The following SCFD2 variants were observed in gnomAD, a reference collection of about 807,000 sequenced individuals.
The protein encoded by SCFD2 is sec1 family domain-containing protein 2.
A neutral mutation model predicts 58.9 loss-of-function variants in SCFD2; 54 were observed. The ratio of observed to expected loss-of-function variants is 0.92; its 90% CI spans 0.74 to 1.15. The LOEUF (loss-of-function observed/expected upper bound fraction) is 1.15. SCFD2 is among the 50% of genes most tolerant of loss of function. SCFD2 has a pLI of 0.00. For synonymous variants in SCFD2, 321 were observed against 335.9 expected, an observed-to-expected ratio of 0.96 and a Z score of 0.49; for missense variants, 805 against 836.6, an observed-to-expected ratio of 0.96 and a Z score of 0.47.
chr4:53,221,693 T>C (rs113482249), intron 4 of SCFD2, among the ~76,000 whole-genome samples: 1 of 152,114 alleles, frequency 6.6e-6, no homozygotes, highest in Non-Finnish European at 1.5e-5. Context: ...GCTACTGTAG[T>C]AGAAAAGAAA....
intron 4 of SCFD2, among the ~76,000 whole-genome samples, chr4:53,239,565 A>G (rs914729005): frequency 6.6e-6 from 1 of 151,984 alleles, no homozygotes; most frequent in South Asian, 2.1e-4. Flanking sequence ...GCTCACCGCA[A>G]CCTCTGCCTC....
intron 5 of SCFD2, among the ~76,000 whole-genome samples, chr4:52,926,001 G>A (rs1719854373): frequency 6.6e-6 from 1 of 152,056 alleles, no homozygotes; most frequent in African/African-American, 2.4e-5. Context: ...TCCATTTACT[G>A]AAGCCCCTTT....
intron 5 of SCFD2, among the ~76,000 whole-genome samples, chr4:53,020,464 A>G (rs1722319397): frequency 1.3e-5 from 2 of 152,172 alleles, no homozygotes; most frequent in Admixed American, 1.3e-4. Context: ...AGGTTAAGAA[A>G]CTGTCAGTCT....
chr4:53,007,134 AGCT>A (rs1721986219), intron 5 of SCFD2, among the ~76,000 whole-genome samples: 1 of 151,982 alleles, frequency 6.6e-6, no homozygotes, highest in African/African-American at 2.4e-5. Context: ...ATTAAAAATC[AGCT>A]GGGCATGGTG....
chr4:52,959,052 G>A (rs301094), intron 5 of SCFD2, among the ~76,000 whole-genome samples: 4,205 of 152,252 alleles, frequency 0.028, 214 homozygotes, highest in African/African-American at 0.097. Context: ...AATTTGCAGA[G>A]TGCCTCATGG....
chr4:53,044,611 C>T (rs1261157115), intron 5 of SCFD2, among the ~76,000 whole-genome samples: 3 of 59,294 alleles, frequency 5.1e-5, no homozygotes, highest in African/African-American at 2.1e-4. Flanking sequence ...CTTCCTTCCT[C>T]CCTCCCTTCT....
chr4:53,274,346 C>T (rs1560423879), intron 3 of SCFD2, among the ~76,000 whole-genome samples: 1 of 152,050 alleles, frequency 6.6e-6, no homozygotes, highest in Non-Finnish European at 1.5e-5. Flanking sequence ...ACTTGGAGTA[C>T]CTCTTTATGA....
At chr4:53,349,363 C>T (rs568367641) in intron 2 of SCFD2, among the ~76,000 whole-genome samples, 3 of 152,348 alleles carry the variant, frequency 2.0e-5, no homozygotes, top group Admixed American at 6.5e-5. Context: ...GTCCAAACAT[C>T]GTGCATCAAG....
chr4:53,139,964 G>C (rs1726077442), intron 5 of SCFD2, among the ~76,000 whole-genome samples: 1 of 152,088 alleles, frequency 6.6e-6, no homozygotes, highest in Non-Finnish European at 1.5e-5. Context: ...AATGGATTAA[G>C]GGCGGTGCAA....
At chr4:53,126,071 G>C (rs967405286) in intron 5 of SCFD2, among the ~76,000 whole-genome samples, 1 of 152,194 alleles carries the variant, frequency 6.6e-6, no homozygotes. Context: ...AGTTGAAGTT[G>C]AGCTAAAACT....
At chr4:53,123,532 T>TGGGGGG (rs11293174) in intron 5 of SCFD2, among the ~76,000 whole-genome samples, 14 of 95,308 alleles carry the variant, frequency 1.5e-4, no homozygotes, top group East Asian at 3.3e-4. Flanking sequence ...GAGATGGGGG[T>TGGGGGG]GGGGGGGGGG....
At chr4:53,192,002 A>C (rs921955815) in intron 4 of SCFD2, among the ~76,000 whole-genome samples, 2 of 152,188 alleles carry the variant, frequency 1.3e-5, no homozygotes, top group African/African-American at 4.8e-5. Context: ...ATTTAATGTC[A>C]GGAATCCCCA....
At chr4:53,183,904 A>G (rs567691700) in intron 4 of SCFD2, among the ~76,000 whole-genome samples, 2 of 152,270 alleles carry the variant, frequency 1.3e-5, no homozygotes, top group African/African-American at 4.8e-5. Flanking sequence ...TATCTGCATA[A>G]CAATGACACA....
rs539474463 is a variant in SCFD2 at position 53,153,973 on chromosome 4, G to T, written c.1312-8391C>A. Among the ~76,000 whole-genome samples the T allele has an allele frequency of 2.6e-5, 4 of 152,178 alleles. No individual in the cohort carries two copies. In the East Asian group the frequency reaches 7.7e-4, roughly 29 times the overall value. The stretch of plus-strand genomic sequence containing the variant: ...GACCTCATCAGCCTGGGCCATCACT[G>T]TCCATATTTCTATCAGCATTTTGGT... On this transcript the variant is annotated intron_variant, in intron 4 of 8. Coordinates refer to ENST00000401642, the MANE Select transcript of SCFD2 (RefSeq NM_152540.4).
At chr4:53,156,078 G>A (rs930225302) in intron 4 of SCFD2, among the ~76,000 whole-genome samples, 3 of 152,272 alleles carry the variant, frequency 2.0e-5, no homozygotes, top group East Asian at 1.9e-4. Context: ...GTAAAAGCCA[G>A]TTTCACTTAA....
chr4:53,217,540 G>C (rs992056775), intron 4 of SCFD2, among the ~76,000 whole-genome samples: 2 of 152,136 alleles, frequency 1.3e-5, no homozygotes, highest in Non-Finnish European at 2.9e-5. Context: ...GTGTGTCTCT[G>C]CACGTGAGAT....
At chr4:53,250,994 A>T (rs1560411868) in intron 4 of SCFD2, among the ~76,000 whole-genome samples, 1 of 151,614 alleles carries the variant, frequency 6.6e-6, no homozygotes, top group Non-Finnish European at 1.5e-5. Flanking sequence ...TGATAGACTA[A>T]TAAAGAAGAA....
intron 2 of SCFD2, among the ~76,000 whole-genome samples, chr4:53,342,649 A>T (rs1010132736): frequency 6.6e-5 from 10 of 152,370 alleles, no homozygotes; most frequent in African/African-American, 2.4e-4. Context: ...AATACACAGA[A>T]TATACATTCT....
At chr4:53,031,407 C>G (rs1200212570) in intron 5 of SCFD2, among the ~76,000 whole-genome samples, 2 of 152,158 alleles carry the variant, frequency 1.3e-5, no homozygotes, top group African/African-American at 4.8e-5. Flanking sequence ...AGCAAGGGAA[C>G]AAAACTTGAC....
Sources: gnomAD v4.1 joint callset for allele counts (sites outside exome capture counted in the v4.1 genomes callset) on GRCh38, gnomAD v4.1.1 for gene constraint, MANE v1.5 for transcripts, NCBI Gene and HGNC (gene_info 2026-07-23, HGNC 2026-07-21) for gene names.